SAMD12: variants seen among roughly 807,000 people sequenced by gnomAD.
SAMD12 encodes the protein sterile alpha motif domain containing 12, also known as sterile alpha motif domain-containing protein 12.
A neutral mutation model predicts 15.0 loss-of-function variants in SAMD12; 9 were observed. That is an observed-to-expected ratio of 0.60 (90% CI 0.36 to 1.05). SAMD12 has a LOEUF of 1.05. Among genes scored for constraint, SAMD12 ranks in the 50% least tolerant of loss-of-function variants. SAMD12 has a pLI of 0.01. For synonymous variants in SAMD12, 86 were observed against 90.1 expected, an observed-to-expected ratio of 0.96 and a Z score of 0.25; for missense variants, 230 against 234.2, an observed-to-expected ratio of 0.98 and a Z score of 0.12.
intron 1 of SAMD12, among the ~76,000 whole-genome samples, chr8:118,606,524 G>A (rs543291514): frequency 2.4e-4 from 36 of 151,764 alleles, no homozygotes; most frequent in African/African-American, 8.7e-4. Context: ...GCCCTGGGGT[G>A]AACCCCAGAA....
intron 4 of SAMD12, among the ~76,000 whole-genome samples, chr8:118,343,365 G>T (rs757029514): frequency 1.4e-5 from 2 of 144,858 alleles, no homozygotes; most frequent in Admixed American, 1.4e-4. Context: ...AGTTTTGGAG[G>T]GGGGGAATCG....
At chr8:118,210,627 G>A (rs1296137305) in intron 4 of SAMD12, among the ~76,000 whole-genome samples, 3 of 152,126 alleles carry the variant, frequency 2.0e-5, no homozygotes, top group African/African-American at 7.2e-5. Flanking sequence ...TAATATTCCA[G>A]GCCATTCATG....
intron 2 of SAMD12, among the ~76,000 whole-genome samples, chr8:118,501,962 G>C (rs1824795788): frequency 6.7e-6 from 1 of 150,254 alleles, no homozygotes; most frequent in African/African-American, 2.5e-5. Context: ...GGAGCTTGCA[G>C]TGAGCGGAGA....
chr8:118,469,545 T>TTTATA (rs1823726432), intron 2 of SAMD12, among the ~76,000 whole-genome samples: 1 of 2,212 alleles, frequency 4.5e-4, no homozygotes, highest in Non-Finnish European at 2.3e-3. Flanking sequence ...ATATATTATA[T>TTTATA]TATTATATAT....
chr8:118,494,213 C>A (rs767703698), intron 2 of SAMD12, among the ~76,000 whole-genome samples: 2 of 152,120 alleles, frequency 1.3e-5, no homozygotes, highest in Non-Finnish European at 2.9e-5. Context: ...CTGGAAGAGA[C>A]AAAGCAGTCA....
chr8:118,375,314 T>C (rs984101740), downstream of SAMD12, among the ~76,000 whole-genome samples: 2 of 152,100 alleles, frequency 1.3e-5, no homozygotes, highest in Non-Finnish European at 2.9e-5. Flanking sequence ...TGTCTGACTA[T>C]GAGTATATTA....
At position 118,379,106 on chromosome 8, in the gene SAMD12, C is replaced by A; in HGVS notation, c.*311G>T. 3 of 1,085,492 alleles carry A rather than the reference C, an allele frequency of 2.8e-6. No homozygotes were observed. The South Asian group carries it at 1.2e-4, about 42-fold the overall frequency. 67.2% of individuals were successfully genotyped at this position (1,085,492 alleles called of 1,614,324 possible). On this transcript the variant is annotated 3_prime_UTR_variant, in exon 4 of 4. Transcript: ENST00000314727. ...CAAAACAAAAATACAACAAAAACTC[C>A]ACTTATATCACTGGTCATCGTAACT... is the stretch of plus-strand genomic sequence containing the variant.
At chr8:118,208,814 G>C (rs761686167) in intron 4 of SAMD12, among the ~76,000 whole-genome samples, 2 of 152,206 alleles carry the variant, frequency 1.3e-5, no homozygotes, top group African/African-American at 2.4e-5. Flanking sequence ...ATAAAGTTTA[G>C]AGAGAAGAAA....
intron 4 of SAMD12, among the ~76,000 whole-genome samples, chr8:118,368,914 T>A (rs540370519): frequency 1.4e-4 from 21 of 152,302 alleles, no homozygotes; most frequent in Admixed American, 2.6e-4. Flanking sequence ...CCTGTTAACA[T>A]TTTTATCCCT....
intron 4 of SAMD12, among the ~76,000 whole-genome samples, chr8:118,316,824 T>TG (rs1389215898): frequency 6.7e-6 from 1 of 150,098 alleles, no homozygotes; most frequent in Non-Finnish European, 1.5e-5. Context: ...AAGTTTTTTT[T>TG]TTTTTTTTTT....
chr8:118,435,416 T>C (rs962469547), intron 3 of SAMD12, among the ~76,000 whole-genome samples: 2 of 152,178 alleles, frequency 1.3e-5, no homozygotes, highest in African/African-American at 4.8e-5. Flanking sequence ...TTTAGTAATA[T>C]CTATGGTTTC....
intron 4 of SAMD12, among the ~76,000 whole-genome samples, chr8:118,218,905 T>G (rs549782029): frequency 1.3e-5 from 2 of 152,308 alleles, no homozygotes; most frequent in African/African-American, 4.8e-5. Flanking sequence ...AAACTAGTGG[T>G]CAGTAGGCCA....
intron 2 of SAMD12, among the ~76,000 whole-genome samples, chr8:118,540,786 G>C (rs924796058): frequency 5.9e-5 from 9 of 152,138 alleles, no homozygotes; most frequent in African/African-American, 2.2e-4. Context: ...TTGGGTAGGA[G>C]CCAAATGATA....
chr8:118,207,184 C>T (rs1459571271), intron 4 of SAMD12, among the ~76,000 whole-genome samples: 1 of 152,182 alleles, frequency 6.6e-6, no homozygotes, highest in African/African-American at 2.4e-5. Context: ...GGAATGTTTC[C>T]CTAGAAAGAT....
chr8:118,564,036 AGAG>A (rs61586123), intron 2 of SAMD12, among the ~76,000 whole-genome samples: 2,678 of 152,344 alleles, frequency 0.018, 85 homozygotes, highest in African/African-American at 0.059. Context: ...AGTAAGCATG[AGAG>A]GAGAAGGGGT....
At chr8:118,262,630 T>C (rs1011518628) in intron 4 of SAMD12, among the ~76,000 whole-genome samples, 2 of 152,070 alleles carry the variant, frequency 1.3e-5, no homozygotes, top group Non-Finnish European at 2.9e-5. Context: ...CAGTTTACAA[T>C]GAAGAAAAGT....
chr8:118,539,631 AC>A (rs1268650057), intron 2 of SAMD12, among the ~76,000 whole-genome samples: 1 of 152,188 alleles, frequency 6.6e-6, no homozygotes, highest in Non-Finnish European at 1.5e-5. Flanking sequence ...ACTGCTGGTC[AC>A]CATGTTTGTG....
chr8:118,619,237 G>A (rs1269990956), intron 1 of SAMD12, among the ~76,000 whole-genome samples: 3 of 152,046 alleles, frequency 2.0e-5, no homozygotes, highest in African/African-American at 7.2e-5. Flanking sequence ...GAAGAGAAGG[G>A]CACTTCGAGG....
intron 4 of SAMD12, among the ~76,000 whole-genome samples, chr8:118,258,022 A>G (rs1812992718): frequency 6.6e-6 from 1 of 152,130 alleles, no homozygotes. Flanking sequence ...AACCTGGTTA[A>G]GCAGACCATT....
Sources: allele counts gnomAD v4.1 joint callset (sites outside exome capture counted in the v4.1 genomes callset), GRCh38; gene constraint gnomAD v4.1.1; transcripts MANE v1.5; gene names NCBI Gene and HGNC (gene_info 2026-07-23, HGNC 2026-07-21).